Variants in ATP8A2 observed in about 807,000 individuals in gnomAD.
ATP8A2 encodes ATPase phospholipid transporting 8A2.
In ATP8A2, 100 loss-of-function variants were observed where a neutral mutation model predicts 165.6. That is an observed-to-expected ratio of 0.60 (90% confidence interval 0.51 to 0.71). The LOEUF is 0.71. Among genes scored for constraint, ATP8A2 ranks in the 30% least tolerant of loss-of-function variants. ATP8A2 has a pLI of 0.00. For synonymous variants in ATP8A2, 543 were observed against 548.8 expected, an observed-to-expected ratio of 0.99 and a Z score of 0.15; for missense variants, 1,227 against 1,479.5, an observed-to-expected ratio of 0.83 and a Z score of 2.80.
At chr13:25,723,156 G>C (rs1458023455) in intron 25 of ATP8A2, among the ~76,000 whole-genome samples, 1 of 152,140 alleles carries the variant, frequency 6.6e-6, no homozygotes, top group Non-Finnish European at 1.5e-5. Context: ...TAAATGTCTT[G>C]GGCAAATTTG....
At chr13:25,861,235 G>A (rs1020405536) in intron 32 of ATP8A2, among the ~76,000 whole-genome samples, 2 of 151,582 alleles carry the variant, frequency 1.3e-5, no homozygotes, top group Non-Finnish European at 2.9e-5. Flanking sequence ...GGAACCTTCC[G>A]GACTTCGTTC....
chr13:25,952,774 C>G (rs7335092), intron 33 of ATP8A2, among the ~76,000 whole-genome samples: 1 of 152,132 alleles, frequency 6.6e-6, no homozygotes, highest in African/African-American at 2.4e-5. Context: ...CACACCTGCA[C>G]CTCAGCCAAG....
intron 9 of ATP8A2, among the ~76,000 whole-genome samples, chr13:25,542,298 T>A (rs1311678756): frequency 6.6e-6 from 1 of 152,064 alleles, no homozygotes; most frequent in Non-Finnish European, 1.5e-5. Context: ...TGGTTTTAGC[T>A]GCATAAAATT....
chr13:25,968,746 T>G, intron 35 of ATP8A2, 67 bp downstream of exon 35: 1 of 1,290,020 alleles, frequency 7.8e-7, no homozygotes, highest in Non-Finnish European at 1.1e-6. Flanking sequence ...TATTCCTTCC[T>G]GTATTTCTTT....
chr13:25,747,324 A>T (rs552102611), intron 25 of ATP8A2, among the ~76,000 whole-genome samples: 7 of 152,344 alleles, frequency 4.6e-5, no homozygotes, highest in Non-Finnish European at 1.0e-4. Flanking sequence ...CATAAGGAGG[A>T]CAGTATTGTG....
At chr13:25,621,054 A>G (rs58761872) in intron 24 of ATP8A2, among the ~76,000 whole-genome samples, 5,492 of 152,210 alleles carry the variant, frequency 0.036, 335 homozygotes, top group African/African-American at 0.13. Flanking sequence ...TTGGGCCTCC[A>G]TGGTATCACT....
At chr13:25,659,687 T>G (rs982835537) in intron 24 of ATP8A2, among the ~76,000 whole-genome samples, 6 of 152,170 alleles carry the variant, frequency 3.9e-5, no homozygotes, top group African/African-American at 1.4e-4. Flanking sequence ...AAGCTGACTT[T>G]TATTTTTTCA....
At chr13:25,650,079 C>T (rs1263664498) in intron 24 of ATP8A2, among the ~76,000 whole-genome samples, 1 of 152,202 alleles carries the variant, frequency 6.6e-6, no homozygotes, top group Non-Finnish European at 1.5e-5. Context: ...TCTTTTCCCT[C>T]TGTAGAAACC....
chr13:25,950,142 T>C (rs1391815579), intron 33 of ATP8A2, among the ~76,000 whole-genome samples: 3 of 152,186 alleles, frequency 2.0e-5, no homozygotes, highest in African/African-American at 7.2e-5. Flanking sequence ...GTTTTAAACC[T>C]GTCCCATTTT....
At chr13:26,014,286 C>T (rs1956915552) in intron 36 of ATP8A2, among the ~76,000 whole-genome samples, 2 of 152,096 alleles carry the variant, frequency 1.3e-5, no homozygotes, top group African/African-American at 4.8e-5. Context: ...GCACAGAAAG[C>T]CAATCACTGA....
intron 24 of ATP8A2, among the ~76,000 whole-genome samples, chr13:25,662,578 C>G (rs561559954): frequency 6.6e-5 from 10 of 152,070 alleles, no homozygotes; most frequent in Non-Finnish European, 1.3e-4. Flanking sequence ...TGTCAAAAAG[C>G]TGACTGTAAA....
intron 24 of ATP8A2, among the ~76,000 whole-genome samples, chr13:25,636,007 C>G (rs141434049): frequency 6.6e-6 from 1 of 151,630 alleles, no homozygotes; most frequent in African/African-American, 2.4e-5. Context: ...GGAGGATGGA[C>G]GAGGAAAGAT....
At chr13:25,716,392 T>A (rs760592043) in intron 25 of ATP8A2, among the ~76,000 whole-genome samples, 6 of 152,220 alleles carry the variant, frequency 3.9e-5, no homozygotes, top group Non-Finnish European at 7.4e-5. Flanking sequence ...GAAGCCATTG[T>A]CTAATCTGAG....
intron 27 of ATP8A2, among the ~76,000 whole-genome samples, chr13:25,786,348 T>C (rs1222439934): frequency 3.9e-5 from 6 of 152,172 alleles, no homozygotes; most frequent in Admixed American, 2.6e-4. Context: ...GGATCAAGAA[T>C]AGGAGTTATA....
rs1033917102 is a variant in ATP8A2 at position 25,908,282 on chromosome 13, C to T, written c.3183+45874C>T. Among the ~76,000 whole-genome samples the T allele has an allele frequency of 2.6e-5, 4 of 152,220 alleles. 1 individual carries two copies. In the South Asian group the frequency reaches 6.2e-4, roughly 24 times the overall value. On this transcript the variant is annotated intron_variant, in intron 33 of 36. Coordinates refer to ENST00000381655, the MANE Select transcript of ATP8A2 (RefSeq NM_016529.6). The stretch of plus-strand genomic sequence containing the variant: ...GCAGTCATTGTGTGCAGCTCTAGTC[C>T]GAGCACTTTAGGTCTGTGGTAACAG...
intron 25 of ATP8A2, among the ~76,000 whole-genome samples, chr13:25,711,704 T>C (rs2043162975): frequency 6.6e-6 from 1 of 152,162 alleles, no homozygotes; most frequent in African/African-American, 2.4e-5. Context: ...CTCTGGCACA[T>C]AGTAGGTGTT....
intron 2 of ATP8A2, among the ~76,000 whole-genome samples, chr13:25,491,285 G>T (rs918177776): frequency 3.6e-4 from 55 of 152,104 alleles, no homozygotes; most frequent in Admixed American, 2.4e-3. Flanking sequence ...TGTGCATTTT[G>T]AGAGCAAGGT....
chr13:25,627,248 C>A (rs1026898352), intron 24 of ATP8A2, among the ~76,000 whole-genome samples: 1 of 151,990 alleles, frequency 6.6e-6, no homozygotes, highest in Non-Finnish European at 1.5e-5. Flanking sequence ...GGCAGAGCCT[C>A]AGGAGCAAAA....
intron 35 of ATP8A2, among the ~76,000 whole-genome samples, chr13:25,975,465 C>G (rs1452981733): frequency 6.6e-6 from 1 of 151,894 alleles, no homozygotes. Context: ...ACCTGTAGTC[C>G]CAGCTACTCA....
Sources: allele counts gnomAD v4.1 joint callset (sites outside exome capture counted in the v4.1 genomes callset), GRCh38; gene constraint gnomAD v4.1.1; transcripts MANE v1.5; gene names NCBI Gene and HGNC (gene_info 2026-07-23, HGNC 2026-07-21).